BRF1: variants seen among roughly 807,000 people sequenced by gnomAD.
The protein encoded by BRF1 is transcription factor IIIB 90 kDa subunit.
In BRF1, 59 loss-of-function variants were observed where a neutral mutation model predicts 81.7. That is an observed-to-expected ratio of 0.72 (90% CI 0.59 to 0.90). The LOEUF is 0.90. Ranked by LOEUF, BRF1 falls within the 40% of genes least tolerant of loss-of-function variation. The probability of loss-of-function intolerance (pLI) is 0.00; values close to 1 mark genes in which losing one functional copy is unlikely to be tolerated. For synonymous variants in BRF1, 491 were observed against 395.6 expected, an observed-to-expected ratio of 1.24 and a Z score of -2.86; for missense variants, 1,050 against 936.3, an observed-to-expected ratio of 1.12 and a Z score of -1.58.
At chr14:105,248,958 G>T in intron 5 of BRF1, 6 of 980,638 alleles carry the variant, frequency 6.1e-6, no homozygotes, top group Non-Finnish European at 7.2e-6. Context: ...CAGGAAGGCC[G>T]GGCCGCGCAG....
Position 105,284,637 on chromosome 14 carries a change from A to G in BRF1, c.265+1659T>C, listed in dbSNP as rs1046046419. 6.6e-6 allele frequency among the ~76,000 whole-genome samples: 1 copy of G among 152,204 alleles called. No homozygotes were observed. The highest frequency in any genetic ancestry group is 2.4e-5 in the African/African-American group (1 of 41,448). On this transcript the variant is annotated intron_variant, in intron 2 of 17. Coordinates refer to ENST00000547530, the MANE Select transcript of BRF1 (RefSeq NM_001519.4). This position sits in a 1 kb window ranked among gnomAD's most constrained non-coding sequence, Gnocchi z 4.0. ...CCTCAGGTTCCTGAGAGTGTACTCA[A>G]TGAAACAGTGAAGCCAAAGAGATCC... is the stretch of plus-strand genomic sequence containing the variant.
intron 1 of BRF1, among the ~76,000 whole-genome samples, chr14:105,312,593 G>A (rs2058375686): frequency 6.6e-6 from 1 of 152,244 alleles, no homozygotes; most frequent in Admixed American, 6.5e-5. Flanking sequence ...ATAGCATGGG[G>A]AGGGATGCCT....
chr14:105,292,241 T>A (rs940645162), intron 1 of BRF1, among the ~76,000 whole-genome samples: 1 of 152,016 alleles, frequency 6.6e-6, no homozygotes, highest in Non-Finnish European at 1.5e-5. Context: ...TGGAGTGTAA[T>A]GGCACGATCT....
At chr14:105,262,930 C>G in intron 3 of BRF1, among the ~76,000 whole-genome samples, 1 of 151,862 alleles carries the variant, frequency 6.6e-6, no homozygotes, top group East Asian at 1.9e-4. Context: ...CATAGCAAGA[C>G]CCCATCTCCA....
At chr14:105,290,709 C>T (rs1017606248) in intron 1 of BRF1, among the ~76,000 whole-genome samples, 2 of 152,024 alleles carry the variant, frequency 1.3e-5, no homozygotes, top group Non-Finnish European at 2.9e-5. Context: ...CACCTCTGCC[C>T]TCCCTCCTCC....
chr14:105,249,293 G>T, intron 5 of BRF1: 8 of 1,572,718 alleles, frequency 5.1e-6, no homozygotes, highest in Non-Finnish European at 6.9e-6. Context: ...CGTCCGCCCC[G>T]TCCGCCGTGT....
intron 1 of BRF1, chr14:105,314,786 G>T (rs997220363): frequency 2.0e-4 from 40 of 204,930 alleles, no homozygotes; most frequent in Non-Finnish European, 2.8e-4. Context: ...CGACGCCGGG[G>T]CCCGGCCCGT....
intron 1 of BRF1, among the ~76,000 whole-genome samples, chr14:105,298,784 G>A (rs994384421): frequency 7.9e-5 from 12 of 152,216 alleles, no homozygotes; most frequent in Admixed American, 3.3e-4. Context: ...GAACCTGGGA[G>A]GCAGAGGTTG....
chr14:105,300,600 G>T lies in BRF1; in HGVS notation c.30C>A (p.Gly10=), dbSNP rs1379239577. The T allele has an allele frequency of 1.4e-6, 2 of 1,447,976 alleles. No homozygotes were observed. The highest frequency in any genetic ancestry group is 2.6e-5 in the Admixed American group (1 of 37,788). 89.7% of individuals were successfully genotyped at this position (1,447,976 alleles called of 1,614,324 possible). A position where few individuals can be genotyped will look rare whatever the true frequency, so the allele number is the denominator to read the frequency against. The stretch of plus-strand genomic sequence containing the variant: ...CCGCGTCCAGCTCGATGTCCGTGCC[G>T]CCGCAACCGCGGCACACGCGGCCCG... MTGRVCRGC[G]GTDIELDAAR... The change falls in exon 1 of 18, where the codon GGC becomes GGA. Residue 10 remains glycine (G), a synonymous_variant. Coordinates refer to ENST00000547530, the MANE Select transcript of BRF1 (RefSeq NM_001519.4).
Position 105,309,701 on chromosome 14 carries a change from GA to G in BRF1, c.-162+5620del, listed in dbSNP as rs2058291271. The stretch of plus-strand genomic sequence containing the variant: ...GGAGGGGAGCAGCGTGCAGGACACC[GA>G]GGATGTCATCACGACCTTAGGTCTG... On this transcript the variant is annotated intron_variant, in intron 1 of 17. Coordinates refer to the BRF1 transcript ENST00000327359. The surrounding 1 kb of genome is among the most constrained non-coding windows in gnomAD (Gnocchi z 4.0). Among the ~76,000 whole-genome samples, 1 of 151,634 alleles carries G rather than the reference GA, an allele frequency of 6.6e-6. No homozygotes were observed. The highest frequency in any genetic ancestry group is 2.4e-5 in the African/African-American group (1 of 41,248).
intron 7 of BRF1, chr14:105,227,105 G>A (rs1181140247): frequency 2.7e-5 from 7 of 256,402 alleles, no homozygotes; most frequent in African/African-American, 1.4e-4. Context: ...AGCAGAGTGA[G>A]ATTTTGTCTC....
At chr14:105,287,263 C>T (rs778530522) in intron 1 of BRF1, among the ~76,000 whole-genome samples, 1 of 152,212 alleles carries the variant, frequency 6.6e-6, no homozygotes, top group Non-Finnish European at 1.5e-5. Context: ...TTCACCAGCC[C>T]GATCGCTGCA....
chr14:105,299,888 A>C (rs1046814936), intron 1 of BRF1, among the ~76,000 whole-genome samples: 1 of 152,262 alleles, frequency 6.6e-6, no homozygotes, highest in Non-Finnish European at 1.5e-5. Flanking sequence ...ATGTTCACAC[A>C]GAGAGCTGCA....
At chr14:105,256,117 T>G (rs1391321483) in intron 4 of BRF1, 3 of 1,278,400 alleles carry the variant, frequency 2.3e-6, no homozygotes, top group Non-Finnish European at 3.1e-6. Flanking sequence ...AGAGCGAGAC[T>G]CCATCTCATA....
rs2055419823 is a variant in BRF1, at chr14:105,249,300, G to C, written c.544+3207C>G. ...GCGTGCCCCGTCCGCCCCGTCCGCCGTGTGGCTGACACGCAGCCTGCGGGA... is the reference window on the plus strand; with the variant it reads ...GCGTGCCCCGTCCGCCCCGTCCGCCCTGTGGCTGACACGCAGCCTGCGGGA... On this transcript the variant is annotated intron_variant, in intron 5 of 17. Transcript: ENST00000547530. 10 of 1,581,364 alleles carry C rather than the reference G, an allele frequency of 6.3e-6. No homozygotes were observed. The East Asian group carries it at 6.8e-5, about 11-fold the overall frequency.
rs2055663356 is a variant in BRF1 at position 105,252,358 on chromosome 14, A to C, written c.544+149T>G. 7.8e-6 allele frequency: 11 copies of C among 1,415,430 alleles called. No homozygotes were observed. In the South Asian group the frequency reaches 1.7e-4, roughly 22 times the overall value. The allele number at this position is 1,415,430 out of a possible 1,614,324, so 87.7% of individuals were successfully genotyped here. A position where few individuals can be genotyped will look rare whatever the true frequency, so the allele number is the denominator to read the frequency against. ...GTCTTAGAAAATAAGGCCCCACATT[A>C]CTGAGCTCCTAGCAGCTTTAAGAAA... On this transcript the variant is annotated intron_variant, in intron 5 of 17. Coordinates refer to ENST00000547530, the MANE Select transcript of BRF1 (RefSeq NM_001519.4).
At chr14:105,249,907 G>C (rs752956082) in intron 5 of BRF1, 1 of 1,611,168 alleles carries the variant, frequency 6.2e-7, no homozygotes, top group Non-Finnish European at 8.5e-7. Flanking sequence ...ACCGGCAGAC[G>C]CTGGAGATCA....
At chr14:105,246,263 C>T (rs1294285726) in intron 5 of BRF1, among the ~76,000 whole-genome samples, 2 of 152,000 alleles carry the variant, frequency 1.3e-5, no homozygotes, top group Non-Finnish European at 1.5e-5. Context: ...TCTCCAAACA[C>T]GCCATGCAAA....
intron 1 of BRF1, among the ~76,000 whole-genome samples, chr14:105,311,459 T>G (rs1201775461): frequency 6.6e-6 from 1 of 152,164 alleles, no homozygotes; most frequent in African/African-American, 2.4e-5. Flanking sequence ...TTTGCCATAT[T>G]GCCCAAGCTG....
Sources: allele counts gnomAD v4.1 joint callset (sites outside exome capture counted in the v4.1 genomes callset), GRCh38; gene constraint gnomAD v4.1.1; non-coding constraint Gnocchi (gnomAD v3.1); transcripts MANE v1.5; gene names NCBI Gene and HGNC (gene_info 2026-07-23, HGNC 2026-07-21).